FNDC3A: variants seen among roughly 807,000 people sequenced by gnomAD.
FNDC3A encodes fibronectin type III domain containing 3A.
A neutral mutation model predicts 148.9 loss-of-function variants in FNDC3A; 32 were observed. The ratio of observed to expected loss-of-function variants is 0.21; its 90% CI spans 0.16 to 0.29. The LOEUF is 0.29. Ranked by LOEUF, FNDC3A falls within the 10% of genes least tolerant of loss-of-function variation. The pLI is 1.00. For synonymous variants in FNDC3A, 472 were observed against 473.6 expected (o/e 1.00, Z 0.04); for missense variants, 1,191 against 1,452.8 (o/e 0.82, Z 2.93).
In FNDC3A at chr13:49,178,594, T is replaced by C. The variant is rs1023768555; in HGVS notation, c.1557T>C (p.Asp519=). The C allele has an allele frequency of 3.1e-6, 5 of 1,594,652 alleles. No individual in the cohort carries two copies. The African/African-American group carries it at 5.4e-5, about 17-fold the overall frequency. ...TSGYGFKPKY[D]GEDLAYTVKN... is the part of the protein sequence containing the mutation. ...GATATGGTTTTAAGCCTAAATATGA[T>C]GGAGAAGATCTTGCTTACACAGTGA... The change falls in exon 14 of 26, where the codon GAT becomes GAC. Residue 519 remains aspartate (D), a synonymous_variant. Coordinates refer to ENST00000492622, the MANE Select transcript of FNDC3A (RefSeq NM_001079673.2).
At chr13:49,075,422 A>G in intron 3 of FNDC3A, 58 bp downstream of exon 3, 1 of 983,108 alleles carries the variant, frequency 1.0e-6, no homozygotes, top group South Asian at 1.3e-5. Flanking sequence ...AAAATTTATG[A>G]TACATAATAG....
At chr13:49,155,293 A>C (rs909179688) in intron 8 of FNDC3A, among the ~76,000 whole-genome samples, 9 of 151,516 alleles carry the variant, frequency 5.9e-5, no homozygotes, top group Non-Finnish European at 1.2e-4. Context: ...TAGATTTTCT[A>C]GTTTATTTGC....
chr13:49,197,873 A>G lies in FNDC3A; in HGVS notation c.2489A>G (p.Gln830Arg), dbSNP rs751212911. ...SPATTYYCRV[Q>R]ALSVVGAGPF... ...GCAACTACCTATTATTGCAGGGTCCAGGTAAAGATGATCAGTACCTTGTCA... is the reference window on the plus strand; with the variant it reads ...GCAACTACCTATTATTGCAGGGTCCGGGTAAAGATGATCAGTACCTTGTCA... The change falls in exon 21 of 26, where the codon CAG (glutamine) becomes CGG (arginine). Residue 830 changes from glutamine (Q) to arginine (R), a missense_variant and splice_region_variant. Gln to Arg is a conservative substitution (Grantham distance 43). This residue lies in a region of FNDC3A where 751 missense variants were observed against 944.0 expected (regional missense o/e 0.80). Transcript: ENST00000492622. 1.9e-6 allele frequency: 3 copies of G among 1,597,634 alleles called. No individual in the cohort carries two copies. The highest frequency in any genetic ancestry group is 2.6e-6 in the Non-Finnish European group (3 of 1,176,030).
At chr13:49,194,413 T>G (rs1236670769) in intron 19 of FNDC3A, among the ~76,000 whole-genome samples, 2 of 152,244 alleles carry the variant, frequency 1.3e-5, no homozygotes, top group African/African-American at 2.4e-5. Flanking sequence ...AAGATTACTT[T>G]TCACAAAGCA....
intron 18 of FNDC3A, 42 bp from the exon 19 acceptor site, chr13:49,191,167 G>A: frequency 6.2e-7 from 1 of 1,603,832 alleles, no homozygotes. Context: ...AGAACAGGAA[G>A]TATTCGTCTT....
intron 1 of FNDC3A, among the ~76,000 whole-genome samples, chr13:48,983,780 C>A (rs1280572872): frequency 1.3e-5 from 2 of 152,152 alleles, no homozygotes. Context: ...ATACTATTAT[C>A]ACCAAATGTC....
intron 8 of FNDC3A, among the ~76,000 whole-genome samples, chr13:49,149,392 TGAAA>T (rs1883166685): frequency 6.6e-6 from 1 of 152,136 alleles, no homozygotes; most frequent in African/African-American, 2.4e-5. Context: ...CCTAGTTTGT[TGAAA>T]GATTTTATGA....
At position 49,151,850 on chromosome 13, in the gene FNDC3A, T is replaced by C. The variant is rs183354331; in HGVS notation, c.977+5915T>C. ...GGTGTTTGGTTTTCTGTCCTTGCGA[T>C]AGTTTGCTCAGAATGATGGTTTCCA... On this transcript the variant is annotated intron_variant, in intron 8 of 25. Coordinates refer to ENST00000492622, the MANE Select transcript of FNDC3A (RefSeq NM_001079673.2). Among the ~76,000 whole-genome samples the C allele has an allele frequency of 1.3e-4, 20 of 152,330 alleles. No homozygotes were observed. In the East Asian group the frequency reaches 1.5e-3, roughly 12 times the overall value.
rs1951799490 is a variant in FNDC3A at position 48,986,396 on chromosome 13, T to TTTG, written c.-40+10221_-40+10222insGTT. 5.2e-5 allele frequency among the ~76,000 whole-genome samples: 6 copies of TTTG among 116,248 alleles called. 1 individual carries two copies. Among genetic ancestry groups the TTTG allele is most frequent in the African/African-American group, 2.0e-4 (6 of 30,462 alleles). 76.3% of individuals were successfully genotyped at this position (116,248 alleles called of 152,430 possible). On this transcript the variant is annotated intron_variant, in intron 1 of 25. Transcript: ENST00000492622. ...AGGAGAAGGAAGTTGTTTTTTTTTT[T>TTTG]TTTTTTTTTTTTTTTTTGAGGCGGA...
intron 19 of FNDC3A, among the ~76,000 whole-genome samples, chr13:49,192,018 A>G (rs1420993532): frequency 2.0e-5 from 3 of 152,228 alleles, no homozygotes; most frequent in African/African-American, 7.2e-5. Flanking sequence ...GAGGTAAGCT[A>G]CAAACCTTAG....
intron 4 of FNDC3A, among the ~76,000 whole-genome samples, chr13:49,117,071 A>G (rs1330787323): frequency 1.3e-5 from 2 of 152,026 alleles, no homozygotes; most frequent in Non-Finnish European, 2.9e-5. Context: ...AGATCATATA[A>G]GACTCTTACT....
At chr13:49,163,593 G>A (rs1362516097) in intron 8 of FNDC3A, among the ~76,000 whole-genome samples, 1 of 152,200 alleles carries the variant, frequency 6.6e-6, no homozygotes, top group African/African-American at 2.4e-5. Context: ...CTTTGTGGGT[G>A]AGGCTATGCC....
chr13:49,104,833 G>A (rs1236109672), intron 3 of FNDC3A, among the ~76,000 whole-genome samples: 1 of 152,022 alleles, frequency 6.6e-6, no homozygotes, highest in African/African-American at 2.4e-5. Context: ...TATGTGAAAG[G>A]ATAAACTTAA....
intron 3 of FNDC3A, among the ~76,000 whole-genome samples, chr13:49,104,049 G>A (rs1015005884): frequency 9.9e-5 from 15 of 152,126 alleles, no homozygotes; most frequent in African/African-American, 3.6e-4. Flanking sequence ...AATTGAAAAA[G>A]TATGATCAGG....
rs1886805110 is a variant in FNDC3A at position 49,209,632 on chromosome 13, A to G, written c.*2237A>G. On this transcript the variant is annotated 3_prime_UTR_variant, in exon 26 of 26. Coordinates refer to ENST00000492622, the MANE Select transcript of FNDC3A (RefSeq NM_001079673.2). ...TATTCATATATATTCATTATTTGCT[A>G]CCTGTTTAAGAAAGTGAAATGTTAT... 6.6e-6 allele frequency: 1 copy of G among 152,604 alleles called. No homozygotes were observed. Among genetic ancestry groups the G allele is most frequent in the Non-Finnish European group, 1.5e-5 (1 of 68,022 alleles). The allele number at this position is 152,604 out of a possible 1,614,324, so 9.5% of individuals were successfully genotyped here.
intron 14 of FNDC3A, among the ~76,000 whole-genome samples, chr13:49,182,509 A>C (rs1379409053): frequency 6.6e-6 from 1 of 151,880 alleles, no homozygotes; most frequent in African/African-American, 2.4e-5. Flanking sequence ...TTTTCTGAAA[A>C]AGTTTTTCAA....
At chr13:49,197,024 C>G (rs916881821) in intron 20 of FNDC3A, 34 bp downstream of exon 20, 2 of 1,235,788 alleles carry the variant, frequency 1.6e-6, no homozygotes, top group Non-Finnish European at 2.4e-6. Context: ...TATCTACTTT[C>G]TTAAGTGAAT....
chr13:49,013,974 C>A (rs1952431109), intron 2 of FNDC3A, among the ~76,000 whole-genome samples: 1 of 150,124 alleles, frequency 6.7e-6, no homozygotes, highest in Non-Finnish European at 1.5e-5. Context: ...ATATGTGCCA[C>A]ATTTTCTTAA....
chr13:49,189,499 A>T (rs537889966), intron 17 of FNDC3A, among the ~76,000 whole-genome samples: 106 of 151,980 alleles, frequency 7.0e-4, no homozygotes, highest in Non-Finnish European at 9.1e-4. Context: ...TTTTTTTTTT[A>T]AATGAATTAA....
Sources: gnomAD v4.1 joint callset for allele counts (sites outside exome capture counted in the v4.1 genomes callset) on GRCh38, gnomAD v4.1.1 for gene constraint, gnomAD v4.1.1 regional missense constraint, MANE v1.5 for transcripts, NCBI Gene and HGNC (gene_info 2026-07-23, HGNC 2026-07-21) for gene names.